Variants in FNDC1 observed in about 807,000 individuals in gnomAD.
FNDC1 encodes the protein fibronectin type III domain-containing protein 1.
In FNDC1, 96 loss-of-function variants were observed where a neutral mutation model predicts 168.0. That is an observed-to-expected ratio of 0.57 (90% CI 0.48 to 0.68). The LOEUF is 0.68. FNDC1 is among the 30% of genes least tolerant of loss of function. The probability of loss-of-function intolerance (pLI) is 0.00; values close to 1 mark genes in which losing one functional copy is unlikely to be tolerated. For missense variants in FNDC1, 2,587 were observed against 2,482.1 expected (o/e 1.04, Z -0.90); for synonymous variants, 1,099 against 1,025.9 (o/e 1.07, Z -1.36).
chr6:159,265,341 CGTT>C (rs1777568174), intron 20 of FNDC1, among the ~76,000 whole-genome samples: 1 of 152,136 alleles, frequency 6.6e-6, no homozygotes, highest in Non-Finnish European at 1.5e-5. Context: ...GCAAGTTTTA[CGTT>C]GTTTTTCAAG....
chr6:159,170,722 C>G (rs537817662), intron 1 of FNDC1, among the ~76,000 whole-genome samples: 2 of 152,274 alleles, frequency 1.3e-5, no homozygotes, highest in South Asian at 4.2e-4. Context: ...TACTTTGTGA[C>G]TTTTTGGTAG....
At chr6:159,174,538 G>A (rs1781725232) in intron 1 of FNDC1, among the ~76,000 whole-genome samples, 1 of 152,268 alleles carries the variant, frequency 6.6e-6, no homozygotes, top group African/African-American at 2.4e-5. Flanking sequence ...CGGCTTTATA[G>A]AGATAAGAAA....
At chr6:159,184,190 A>G (rs1034554413) in intron 1 of FNDC1, among the ~76,000 whole-genome samples, 1 of 152,258 alleles carries the variant, frequency 6.6e-6, no homozygotes, top group Non-Finnish European at 1.5e-5. Flanking sequence ...ATGATAACAC[A>G]GCTCATTTTA....
At chr6:159,267,028 A>G (rs1468663363) in intron 21 of FNDC1, among the ~76,000 whole-genome samples, 1 of 151,870 alleles carries the variant, frequency 6.6e-6, no homozygotes, top group Non-Finnish European at 1.5e-5. Context: ...CAGTGTATAC[A>G]TTGTTAAAAC....
rs773576630 is a variant in FNDC1, at chr6:159,229,959, G to A, written c.1325G>A (p.Gly442Asp). 2.5e-6 allele frequency: 4 copies of A among 1,613,810 alleles called. No individual in the cohort carries two copies. The East Asian group carries it at 8.9e-5, about 36-fold the overall frequency. ...AAAATCCGGGCCACAAACAGGAGAG[G>A]CCTGGGACCTCACTCCAAAGCCTTC... ...LFKIRATNRR[G>D]LGPHSKAFIV... The change falls in exon 10 of 23, where the codon GGC becomes GAC. Residue 442 changes from glycine to aspartate, a missense_variant. Gly to Asp is a moderately conservative substitution (Grantham distance 94, BLOSUM62 -1). Transcript: ENST00000297267.
intron 1 of FNDC1, among the ~76,000 whole-genome samples, chr6:159,170,949 A>G (rs1781643655): frequency 2.0e-5 from 3 of 152,126 alleles, no homozygotes; most frequent in African/African-American, 7.2e-5. Flanking sequence ...TTGTTTTTCT[A>G]AGTGAAAATT....
intron 18 of FNDC1, among the ~76,000 whole-genome samples, chr6:159,258,262 AG>A (rs1777414599): frequency 6.6e-6 from 1 of 152,232 alleles, no homozygotes; most frequent in South Asian, 2.1e-4. Context: ...CCTGCCCTCA[AG>A]GAGCTTACAG....
rs935630382 is a variant in FNDC1, at chr6:159,234,242, C to G, written c.3730C>G (p.Leu1244Val). The G allele has an allele frequency of 6.3e-7, 1 of 1,590,664 alleles. No homozygotes were observed. Residue 1244 changes from leucine to valine, a missense_variant, in exon 11 of 23, where the codon CTC becomes GTC. Leu to Val is a conservative substitution (Grantham distance 32, BLOSUM62 1). Coordinates refer to ENST00000297267, the MANE Select transcript of FNDC1 (RefSeq NM_032532.3). ...GGSLAPVKRP[L>V]PPPPGSSPRA... ...GAGCCTGGCTCCTGTGAAGCGACCT[C>G]TCCCCCCACCTCCAGGCAGCTCCCC...
At chr6:159,225,769 C>A in intron 8 of FNDC1, 47 bp downstream of exon 8, 2 of 1,482,732 alleles carry the variant, frequency 1.3e-6, no homozygotes, top group South Asian at 1.3e-5. Flanking sequence ...GGAATTACAC[C>A]CAAAATAAGA....
At chr6:159,221,777 A>G in intron 6 of FNDC1, 81 bp downstream of exon 6, 2 of 1,051,676 alleles carry the variant, frequency 1.9e-6, no homozygotes, top group Non-Finnish European at 2.9e-6. Flanking sequence ...TGGCTGAATG[A>G]TGAATTACAT....
At chr6:159,185,349 A>G (rs1365660961) in intron 1 of FNDC1, among the ~76,000 whole-genome samples, 1 of 152,184 alleles carries the variant, frequency 6.6e-6, no homozygotes, top group Non-Finnish European at 1.5e-5. Flanking sequence ...AATTAAACCA[A>G]AGCAGCTCTC....
chr6:159,208,193 G>A (rs1229212062), intron 4 of FNDC1, among the ~76,000 whole-genome samples: 1 of 152,228 alleles, frequency 6.6e-6, no homozygotes, highest in Non-Finnish European at 1.5e-5. Context: ...TGGGGATGGG[G>A]AGTGAGTGAG....
At chr6:159,268,052 G>A (rs892936064) in intron 22 of FNDC1, 126 bp downstream of exon 22, 2 of 982,226 alleles carry the variant, frequency 2.0e-6, no homozygotes, top group Non-Finnish European at 3.0e-6. Context: ...GAGCACTTAA[G>A]GTCATAAAAA....
intron 14 of FNDC1, among the ~76,000 whole-genome samples, chr6:159,243,522 C>CTT (rs1783474179): frequency 6.6e-6 from 1 of 151,416 alleles, no homozygotes; most frequent in South Asian, 2.1e-4. Context: ...TCTTTGGTGA[C>CTT]ATTTTTCACT....
intron 15 of FNDC1, among the ~76,000 whole-genome samples, chr6:159,247,581 T>G (rs938228250): frequency 1.1e-4 from 16 of 151,838 alleles, no homozygotes; most frequent in African/African-American, 3.9e-4. Flanking sequence ...AGACCCTATC[T>G]CTACAAAAAA....
chr6:159,183,521 C>T (rs546010934), intron 1 of FNDC1, among the ~76,000 whole-genome samples: 1 of 152,318 alleles, frequency 6.6e-6, no homozygotes, highest in Admixed American at 6.5e-5. Context: ...GAGCCTTCCA[C>T]ATATGGATGG....
In FNDC1 at chr6:159,233,722, C is replaced by T. The variant is rs1783165845; in HGVS notation, c.3210C>T (p.Asn1070=). 3 of 1,549,788 alleles carry T rather than the reference C, an allele frequency of 1.9e-6. No homozygotes were observed. Among genetic ancestry groups the T allele is most frequent in the Non-Finnish European group, 1.7e-6 (2 of 1,146,768 alleles). Residue 1070 remains asparagine, a synonymous_variant, in exon 11 of 23, where the codon AAC becomes AAT. Transcript: ENST00000297267. This position sits in a 1 kb window ranked among gnomAD's most constrained non-coding sequence, Gnocchi z 4.6. ...SRGMLPTALQ[N]QDEDAQGSYD... The stretch of plus-strand genomic sequence containing the variant: ...GGATGCTCCCCACGGCCCTCCAGAA[C>T]CAGGACGAGGATGCCCAGGGCAGCT...
chr6:159,264,505 GTGT>G (rs1207357039), intron 19 of FNDC1, among the ~76,000 whole-genome samples: 1 of 152,186 alleles, frequency 6.6e-6, no homozygotes, highest in Non-Finnish European at 1.5e-5. Flanking sequence ...ATAAACACTT[GTGT>G]TGTTTCAACT....
intron 19 of FNDC1, among the ~76,000 whole-genome samples, chr6:159,263,954 T>TCAAA (rs370405760): frequency 0.019 from 2,963 of 152,122 alleles, 90 homozygotes; most frequent in African/African-American, 0.067. Context: ...AAACTCCGTC[T>TCAAA]CAAACAAACA....
Sources: allele counts gnomAD v4.1 joint callset (sites outside exome capture counted in the v4.1 genomes callset), GRCh38; gene constraint gnomAD v4.1.1; non-coding constraint Gnocchi (gnomAD v3.1); transcripts MANE v1.5; gene names NCBI Gene and HGNC (gene_info 2026-07-23, HGNC 2026-07-21).